The following DYNC2H1 variants were observed in gnomAD, a reference collection of about 807,000 sequenced individuals.
DYNC2H1 encodes dynein cytoplasmic 2 heavy chain 1.
A neutral mutation model predicts 570.0 loss-of-function variants in DYNC2H1; 410 were observed. That is an observed-to-expected ratio of 0.72 (90% confidence interval 0.66 to 0.78). The LOEUF is 0.78. Among genes scored for constraint, DYNC2H1 ranks in the 30% least tolerant of loss-of-function variants. The probability of loss-of-function intolerance (pLI) is 0.00; values close to 1 mark genes in which losing one functional copy is unlikely to be tolerated. For missense variants in DYNC2H1, 4,865 were observed against 5,046.4 expected, an observed-to-expected ratio of 0.96 and a Z score of 1.09; for synonymous variants, 1,688 against 1,677.6, an observed-to-expected ratio of 1.01 and a Z score of -0.15.
chr11:103,325,206 C>G lies in DYNC2H1; in HGVS notation c.12039+1216C>G, dbSNP rs1245922437. On this transcript the variant is annotated intron_variant, in intron 82 of 88. Transcript: ENST00000375735. The surrounding 1 kb of genome is among the most constrained non-coding windows in gnomAD (Gnocchi z 4.8). The stretch of plus-strand genomic sequence containing the variant: ...TAGTCTCTTTTGCTCTGCAGAAGCT[C>G]TTTAGTTAGGTCTCATTTGACAATT... 1.3e-5 allele frequency among the ~76,000 whole-genome samples: 2 copies of G among 152,118 alleles called. No individual in the cohort carries two copies. Among genetic ancestry groups the G allele is most frequent in the African/African-American group, 4.8e-5 (2 of 41,420 alleles).
chr11:103,307,695 T>G, intron 77 of DYNC2H1, 26 bp from the exon 78 acceptor site: 1 of 1,315,670 alleles, frequency 7.6e-7, no homozygotes, highest in East Asian at 2.5e-5. Flanking sequence ...TTTAAGTAAA[T>G]TTTTGTCATT....
intron 82 of DYNC2H1, among the ~76,000 whole-genome samples, chr11:103,332,288 G>A (rs1285638766): frequency 9.3e-6 from 1 of 107,948 alleles, no homozygotes; most frequent in Non-Finnish European, 1.9e-5. Flanking sequence ...TACCCAAACT[G>A]AAACATAAGG....
chr11:103,237,858 T>A (rs1864281108), intron 63 of DYNC2H1, among the ~76,000 whole-genome samples: 1 of 152,286 alleles, frequency 6.6e-6, no homozygotes, highest in East Asian at 1.9e-4. Context: ...TGAAAATGCT[T>A]AGTTTTGTAT....
At position 103,208,930 on chromosome 11, in the gene DYNC2H1, C is replaced by T. The variant is rs138070612; in HGVS notation, c.8455-946C>T. 6.3e-4 allele frequency among the ~76,000 whole-genome samples: 96 copies of T among 152,122 alleles called. 2 individuals carry two copies. In the East Asian group the frequency reaches 0.017, roughly 27 times the overall value. ...TGTAGGATATTGTTTGAGGATAGAC[C>T]ATTTTAAAGAAAACGAGTTCCCAAA... On this transcript the variant is annotated intron_variant, in intron 52 of 88. Transcript: ENST00000375735.
intron 17 of DYNC2H1, among the ~76,000 whole-genome samples, chr11:103,141,492 TC>T (rs1859926451): frequency 1.3e-5 from 2 of 152,222 alleles, no homozygotes; most frequent in African/African-American, 4.8e-5. Flanking sequence ...TGCCTGGGTA[TC>T]AGCAGCGGTG....
chr11:103,466,198 C>T (rs1945189793), intron 87 of DYNC2H1, among the ~76,000 whole-genome samples: 1 of 152,064 alleles, frequency 6.6e-6, no homozygotes, highest in African/African-American at 2.4e-5. Flanking sequence ...CTTGGAAGGA[C>T]TATTTGATAA....
chr11:103,387,165 G>A (rs1429312543), intron 83 of DYNC2H1, among the ~76,000 whole-genome samples: 1 of 152,130 alleles, frequency 6.6e-6, no homozygotes, highest in African/African-American at 2.4e-5. Flanking sequence ...AGCACCTGTT[G>A]TTTCCTGACT....
chr11:103,235,110 C>T (rs1187171721), intron 61 of DYNC2H1, among the ~76,000 whole-genome samples: 1 of 151,934 alleles, frequency 6.6e-6, no homozygotes, highest in Non-Finnish European at 1.5e-5. Context: ...AAAACCCAAT[C>T]TGATTACATT....
At chr11:103,332,926 C>G (rs1399485893) in intron 82 of DYNC2H1, among the ~76,000 whole-genome samples, 1 of 151,908 alleles carries the variant, frequency 6.6e-6, no homozygotes, top group Non-Finnish European at 1.5e-5. Flanking sequence ...TCGCTTGAAC[C>G]TGGTAGGCAG....
chr11:103,382,666 C>T (rs766140713), intron 83 of DYNC2H1, among the ~76,000 whole-genome samples: 4 of 151,294 alleles, frequency 2.6e-5, no homozygotes, highest in Non-Finnish European at 5.9e-5. Flanking sequence ...TTTCTTTTTG[C>T]TAACACTTCT....
intron 83 of DYNC2H1, among the ~76,000 whole-genome samples, chr11:103,374,510 T>A (rs972198099): frequency 6.6e-6 from 1 of 152,042 alleles, no homozygotes; most frequent in African/African-American, 2.4e-5. Flanking sequence ...TTGGAACAGT[T>A]TGGAGGACTC....
intron 85 of DYNC2H1, among the ~76,000 whole-genome samples, chr11:103,449,869 A>G (rs986923090): frequency 2.0e-5 from 3 of 152,190 alleles, no homozygotes; most frequent in Non-Finnish European, 4.4e-5. Context: ...TTACAAATTG[A>G]TAGGTATTTT....
chr11:103,421,054 C>T (rs1475634535), intron 84 of DYNC2H1, among the ~76,000 whole-genome samples: 2 of 151,946 alleles, frequency 1.3e-5, no homozygotes, highest in African/African-American at 2.4e-5. Flanking sequence ...AAATGGAAAA[C>T]AGAAAAATGC....
rs920210329 is a variant in DYNC2H1, at chr11:103,347,009, G to T, written c.12040-11234G>T. On this transcript the variant is annotated intron_variant, in intron 82 of 88. Transcript: ENST00000375735. ...CAAAGAGGAGGCATTCAGACACTAT[G>T]TGCCTCCTAATGTGATGAAATATGA... is the stretch of plus-strand genomic sequence containing the variant. Among the ~76,000 whole-genome samples the T allele has an allele frequency of 9.2e-5, 14 of 152,324 alleles. 1 individual carries two copies. The highest frequency in any genetic ancestry group is 8.5e-4 in the Admixed American group (13 of 15,296).
At position 103,194,852 on chromosome 11, in the gene DYNC2H1, G is replaced by A. The variant is rs546148631; in HGVS notation, c.7708+2588G>A. Among the ~76,000 whole-genome samples, 12 of 152,150 alleles carry A rather than the reference G, an allele frequency of 7.9e-5. No homozygotes were observed. In the East Asian group the frequency reaches 2.3e-3, roughly 29 times the overall value. ...TCTGCCTCAGCCTCCCGAGTAGCTG[G>A]GATTACAGGCGTGCACCACCTCGCC... On this transcript the variant is annotated intron_variant, in intron 47 of 88. Coordinates refer to ENST00000375735, the MANE Select transcript of DYNC2H1 (RefSeq NM_001377.3).
chr11:103,310,825 C>T (rs545271301), intron 78 of DYNC2H1, among the ~76,000 whole-genome samples: 10 of 151,256 alleles, frequency 6.6e-5, no homozygotes, highest in South Asian at 4.2e-4. Context: ...TGAGCAGCTG[C>T]GATTACAAGT....
chr11:103,120,706 G>A lies in DYNC2H1; in HGVS notation c.1152G>A (p.Ala384=), dbSNP rs1858661121. ...NPYTEPLWKA[A]VSQYEKIIAP... The stretch of plus-strand genomic sequence containing the variant: ...GTATGTAGCCCTTGTGGAAAGCTGC[G>A]GTGTCTCAATATGAAAAGATTATTG... The change falls in exon 8 of 89, where the codon GCG becomes GCA. Residue 384 remains alanine (A), a synonymous_variant. Coordinates refer to ENST00000375735, the MANE Select transcript of DYNC2H1 (RefSeq NM_001377.3). 9.3e-6 allele frequency: 15 copies of A among 1,610,382 alleles called. No homozygotes were observed. The highest frequency in any genetic ancestry group is 1.1e-5 in the Non-Finnish European group (13 of 1,178,166).
intron 85 of DYNC2H1, among the ~76,000 whole-genome samples, chr11:103,450,127 T>A (rs779451769): frequency 6.6e-6 from 1 of 152,164 alleles, no homozygotes; most frequent in African/African-American, 2.4e-5. Flanking sequence ...TATTTTATAA[T>A]GATACAGAGA....
chr11:103,257,149 G>A lies in DYNC2H1; in HGVS notation c.10462-459G>A, dbSNP rs539062190. On this transcript the variant is annotated intron_variant, in intron 68 of 88. Transcript: ENST00000375735. ...GGTGGAGCTCTCATGAGTGGGATTA[G>A]TAACCTTATAAAAGAAGGCCAAGGG... is the stretch of plus-strand genomic sequence containing the variant. Among the ~76,000 whole-genome samples, 4 of 152,266 alleles carry A rather than the reference G, an allele frequency of 2.6e-5. 1 individual carries two copies. The highest frequency in any genetic ancestry group is 4.1e-4 in the South Asian group (2 of 4,824).
Sources: gnomAD v4.1 joint callset for allele counts (sites outside exome capture counted in the v4.1 genomes callset) on GRCh38, gnomAD v4.1.1 for gene constraint, Gnocchi (gnomAD v3.1) non-coding constraint, MANE v1.5 for transcripts, NCBI Gene and HGNC (gene_info 2026-07-23, HGNC 2026-07-21) for gene names.